CENPP: variants seen among roughly 807,000 people sequenced by gnomAD.
The protein encoded by CENPP is centromere protein P.
In CENPP, 24 loss-of-function variants were observed where a neutral mutation model predicts 35.6. That is an observed-to-expected ratio of 0.67 (90% CI 0.49 to 0.95). CENPP has a LOEUF of 0.95. Among genes scored for constraint, CENPP ranks in the 40% least tolerant of loss-of-function variants. The pLI is 0.00. For missense variants in CENPP, 332 were observed against 345.3 expected (o/e 0.96, Z 0.31); for synonymous variants, 120 against 125.5 (o/e 0.96, Z 0.29).
intron 5 of CENPP, among the ~76,000 whole-genome samples, chr9:92,605,533 T>A (rs907419046): frequency 6.6e-6 from 1 of 152,016 alleles, no homozygotes; most frequent in East Asian, 1.9e-4. Flanking sequence ...GAAACCAAGA[T>A]GATTGAATGG....
chr9:92,332,031 T>G (rs1177618733), intron 1 of CENPP, 139 bp from the exon 2 acceptor site: 1 of 464,530 alleles, frequency 2.2e-6, no homozygotes, highest in African/African-American at 2.0e-5. Context: ...TTTTTAATTT[T>G]TTTTATTTTA....
intron 4 of CENPP, 43 bp from the exon 5 acceptor site, chr9:92,379,720 A>C (rs764974855): frequency 7.1e-7 from 1 of 1,405,344 alleles, no homozygotes; most frequent in Admixed American, 1.7e-5. Context: ...TGGGTCTATC[A>C]TTTAATGATA....
chr9:92,547,040 TAGC>T (rs1328083881), intron 5 of CENPP, among the ~76,000 whole-genome samples: 1 of 152,128 alleles, frequency 6.6e-6, no homozygotes, highest in African/African-American at 2.4e-5. Context: ...ACGTATATAT[TAGC>T]AGACCAAATC....
intron 5 of CENPP, chr9:92,470,857 A>G (rs1169571831): frequency 4.4e-6 from 4 of 902,918 alleles, no homozygotes; most frequent in Non-Finnish European, 6.8e-6. Flanking sequence ...AGAAATATAC[A>G]TTTTTTAAAA....
chr9:92,394,804 A>C (rs1390973801), intron 5 of CENPP, among the ~76,000 whole-genome samples: 1 of 151,058 alleles, frequency 6.6e-6, no homozygotes, highest in Non-Finnish European at 1.5e-5. Flanking sequence ...ACTGGGTTTC[A>C]CCATGTTGGC....
intron 5 of CENPP, among the ~76,000 whole-genome samples, chr9:92,506,652 G>C (rs924141744): frequency 3.3e-5 from 5 of 152,132 alleles, no homozygotes; most frequent in Admixed American, 3.3e-4. Context: ...AATAAATGCT[G>C]GAAGATTAAA....
intron 5 of CENPP, among the ~76,000 whole-genome samples, chr9:92,394,107 C>A (rs73520510): frequency 0.018 from 2,754 of 152,250 alleles, 95 homozygotes; most frequent in African/African-American, 0.062. Context: ...ATGATTCTTA[C>A]CCGAATCATT....
chr9:92,331,835 C>T (rs1840757250), intron 1 of CENPP, among the ~76,000 whole-genome samples: 1 of 152,080 alleles, frequency 6.6e-6, no homozygotes, highest in Non-Finnish European at 1.5e-5. Context: ...CAGTGGCATA[C>T]CTGTGGTCCC....
chr9:92,502,797 A>AAGTT, intron 5 of CENPP: 1 of 622,270 alleles, frequency 1.6e-6, no homozygotes, highest in Admixed American at 4.2e-5. Context: ...TCATATTTTT[A>AAGTT]AGTTGTCTTT....
intron 5 of CENPP, among the ~76,000 whole-genome samples, chr9:92,580,011 AG>A (rs1453426264): frequency 3.3e-5 from 5 of 149,262 alleles, no homozygotes; most frequent in African/African-American, 7.5e-5. Context: ...TTTAGCATGA[AG>A]GGTTGTTGAA....
At chr9:92,523,909 T>A (rs1199587726) in intron 5 of CENPP, among the ~76,000 whole-genome samples, 2 of 152,194 alleles carry the variant, frequency 1.3e-5, no homozygotes, top group Admixed American at 1.3e-4. Flanking sequence ...TATTGTCCCA[T>A]ATTTTTATGG....
At chr9:92,447,983 G>A (rs550101147) in intron 5 of CENPP, among the ~76,000 whole-genome samples, 3 of 152,218 alleles carry the variant, frequency 2.0e-5, no homozygotes, top group African/African-American at 7.2e-5. Flanking sequence ...GGATTTTGAA[G>A]GACTCACCCT....
chr9:92,380,179 G>T (rs1384566969), intron 5 of CENPP, among the ~76,000 whole-genome samples: 2 of 152,148 alleles, frequency 1.3e-5, no homozygotes, highest in African/African-American at 4.8e-5. Context: ...CATCACAGCA[G>T]GCTTATCATG....
intron 5 of CENPP, chr9:92,457,137 T>C: frequency 7.1e-7 from 1 of 1,407,292 alleles, no homozygotes; most frequent in East Asian, 2.6e-5. Flanking sequence ...TCCGTTGAAA[T>C]TTCTTGTCAT....
At chr9:92,416,091 TTTATTTA>T (rs1564309170) in intron 5 of CENPP, among the ~76,000 whole-genome samples, 6 of 143,100 alleles carry the variant, frequency 4.2e-5, no homozygotes, top group Admixed American at 1.4e-4. Flanking sequence ...TATTTATTTA[TTTATTTA>T]TTTTATTTTT....
chr9:92,341,142 A>G (rs2130795272), intron 3 of CENPP, among the ~76,000 whole-genome samples: 1 of 152,266 alleles, frequency 6.6e-6, no homozygotes, highest in Non-Finnish European at 1.5e-5. Flanking sequence ...TCCCAGGCTT[A>G]TTAGGAAGAG....
chr9:92,419,835 C>G (rs929381800), intron 5 of CENPP, among the ~76,000 whole-genome samples: 3 of 152,090 alleles, frequency 2.0e-5, no homozygotes, highest in African/African-American at 7.2e-5. Flanking sequence ...AATGAAATGA[C>G]TTATCTCCTG....
intron 5 of CENPP, among the ~76,000 whole-genome samples, chr9:92,381,664 T>C (rs1356533069): frequency 6.6e-6 from 1 of 152,222 alleles, no homozygotes; most frequent in African/African-American, 2.4e-5. Flanking sequence ...TTTTGGGCTA[T>C]TGTGAATAAT....
chr9:92,350,771 A>G (rs1841420813), intron 4 of CENPP, among the ~76,000 whole-genome samples: 1 of 152,316 alleles, frequency 6.6e-6, no homozygotes, highest in East Asian at 1.9e-4. Context: ...TATAAACTAC[A>G]TGCTTATGCA....
Sources: gnomAD v4.1 joint callset for allele counts (sites outside exome capture counted in the v4.1 genomes callset) on GRCh38, gnomAD v4.1.1 for gene constraint, MANE v1.5 for transcripts, NCBI Gene and HGNC (gene_info 2026-07-23, HGNC 2026-07-21) for gene names.